Variants in GRIN2A observed in about 807,000 individuals in gnomAD.
GRIN2A encodes glutamate receptor ionotropic, NMDA 2A.
GRIN2A carries 22 observed loss-of-function variants against 113.4 expected under a neutral mutation model. The ratio of observed to expected loss-of-function variants is 0.19; its 90% CI spans 0.14 to 0.28. The LOEUF is 0.28. Among genes scored for constraint, GRIN2A ranks in the 10% least tolerant of loss-of-function variants. The pLI, the probability that GRIN2A is intolerant of heterozygous loss-of-function variation, is 1.00. For synonymous variants in GRIN2A, 827 were observed against 738.4 expected (o/e 1.12, Z -1.94); for missense variants, 1,502 against 1,887.0 (o/e 0.80, Z 3.78).
In GRIN2A at chr16:9,834,213, C is replaced by G; in HGVS notation, c.1669G>C (p.Val557Leu). Residue 557 changes from valine to leucine, a missense_variant, in exon 8 of 13, where the codon GTC becomes CTC. This residue lies in a region of GRIN2A where 82 missense variants were observed against 222.7 expected (regional missense o/e 0.37). Coordinates refer to ENST00000330684, the MANE Select transcript of GRIN2A (RefSeq NM_001134407.3). ...AGCATCACAAACATCATCACCCAGA[C>G]AGAGGCGCTGAATGGTTCTGCAAAT... ...SAFLEPFSAS[V>L]WVMMFVMLLI... is the part of the protein sequence containing the mutation. The G allele has an allele frequency of 6.2e-7, 1 of 1,613,964 alleles. No individual in the cohort carries two copies. Among genetic ancestry groups the G allele is most frequent in the Non-Finnish European group, 8.5e-7 (1 of 1,179,878 alleles).
At position 10,104,674 on chromosome 16, in the gene GRIN2A, T is replaced by C. The variant is rs77434926; in HGVS notation, c.414+75324A>G. On this transcript the variant is annotated intron_variant, in intron 2 of 12. Coordinates refer to ENST00000330684, the MANE Select transcript of GRIN2A (RefSeq NM_001134407.3). The stretch of plus-strand genomic sequence containing the variant: ...CGCACATGACAGAGACAAGTTTCTG[T>C]ACTGAGTCCTGATTCCCTAGGCAAA... 5.4e-3 allele frequency among the ~76,000 whole-genome samples: 821 copies of C among 152,270 alleles called. 5 individuals are homozygous for C. The highest frequency in any genetic ancestry group is 6.0e-3 in the Non-Finnish European group (409 of 68,018).
At position 9,764,078 on chromosome 16, in the gene GRIN2A, C is replaced by T. The variant is rs1555482417; in HGVS notation, c.3466G>A (p.Glu1156Lys). 6.2e-7 allele frequency: 1 copy of T among 1,613,548 alleles called. No homozygotes were observed. The highest frequency in any genetic ancestry group is 8.5e-7 in the Non-Finnish European group (1 of 1,179,554). The change falls in exon 13 of 13, where the codon GAA (glutamate) becomes AAA (lysine). Residue 1156 changes from glutamate (E) to lysine (K), a missense_variant. This residue lies in a region of GRIN2A where 832 missense variants were observed against 789.7 expected (regional missense o/e 1.05). Transcript: ENST00000330684. ...DFPDPYQDPS[E>K]NFRKGDSTLP... ...GTGGAGTCCCCCTTGCGGAAGTTTT[C>T]ACTGGGATCCTGGTAGGGGTCCGGG...
chr16:10,143,899 G>C (rs977514363), intron 2 of GRIN2A, among the ~76,000 whole-genome samples: 4 of 152,080 alleles, frequency 2.6e-5, no homozygotes, highest in Non-Finnish European at 4.4e-5. Context: ...TCAGGAGATG[G>C]AGGTTACAGT....
rs1245008494 is a variant in GRIN2A at position 9,839,779 on chromosome 16, T to C, written c.1651+868A>G. ...TCAAGACCAGTATCTGAATATGTGATCATATTTTTTTCAGCAGCTTTTTCC... is the reference window on the plus strand; with the variant it reads ...TCAAGACCAGTATCTGAATATGTGACCATATTTTTTTCAGCAGCTTTTTCC... On this transcript the variant is annotated intron_variant, in intron 7 of 12. Transcript: ENST00000330684. Among the ~76,000 whole-genome samples the C allele has an allele frequency of 2.6e-5, 4 of 152,308 alleles. 1 individual carries two copies. In the East Asian group the frequency reaches 7.7e-4, roughly 29 times the overall value.
chr16:10,150,419 T>C (rs2049543919), intron 2 of GRIN2A, among the ~76,000 whole-genome samples: 1 of 152,198 alleles, frequency 6.6e-6, no homozygotes, highest in Non-Finnish European at 1.5e-5. Flanking sequence ...CTTCTTGACC[T>C]GGTATCTCCT....
At chr16:9,789,494 G>A (rs1192828340) in intron 11 of GRIN2A, among the ~76,000 whole-genome samples, 10 of 151,974 alleles carry the variant, frequency 6.6e-5, no homozygotes, top group Non-Finnish European at 1.5e-5. Flanking sequence ...CTGAATTCCT[G>A]TCTGAGTTTA....
chr16:9,987,111 T>G (rs2045992186), intron 2 of GRIN2A, among the ~76,000 whole-genome samples: 1 of 152,168 alleles, frequency 6.6e-6, no homozygotes. Flanking sequence ...CACTTTTCAC[T>G]GAGCACATAA....
At chr16:9,864,612 C>T (rs1010921024) in intron 4 of GRIN2A, among the ~76,000 whole-genome samples, 15 of 152,118 alleles carry the variant, frequency 9.9e-5, no homozygotes, top group Admixed American at 8.5e-4. Flanking sequence ...CCTCACTCAG[C>T]ATTATGTAAA....
intron 10 of GRIN2A, among the ~76,000 whole-genome samples, chr16:9,818,230 G>C (rs2042220480): frequency 6.6e-6 from 1 of 151,992 alleles, no homozygotes; most frequent in African/African-American, 2.4e-5. Context: ...TCAACACAAA[G>C]TTGATCGGAT....
intron 10 of GRIN2A, among the ~76,000 whole-genome samples, chr16:9,802,176 T>A (rs558981271): frequency 6.6e-6 from 1 of 152,314 alleles, no homozygotes; most frequent in East Asian, 1.9e-4. Context: ...CTCAAAGACC[T>A]ATACTGGGTA....
At chr16:9,779,493 A>G (rs1417094765) in intron 11 of GRIN2A, among the ~76,000 whole-genome samples, 1 of 152,176 alleles carries the variant, frequency 6.6e-6, no homozygotes. Flanking sequence ...TAGTTGTGGA[A>G]TGAAGAGAGA....
chr16:10,091,610 G>C (rs1013436301), intron 2 of GRIN2A, among the ~76,000 whole-genome samples: 34 of 152,024 alleles, frequency 2.2e-4, no homozygotes, highest in African/African-American at 8.0e-4. Context: ...CCACAGCCTG[G>C]GGAATAGGCC....
chr16:9,918,842 TAAAC>T (rs2044304152), intron 3 of GRIN2A, among the ~76,000 whole-genome samples: 2 of 151,302 alleles, frequency 1.3e-5, no homozygotes, highest in Non-Finnish European at 1.5e-5. Flanking sequence ...AAAACTAACT[TAAAC>T]AAAATTAAAC....
chr16:10,055,069 AAAAAAAAAAAAAAAAAGAAAAAAG>A (rs1463559332), intron 2 of GRIN2A, among the ~76,000 whole-genome samples: 961 of 78,116 alleles, frequency 0.012, 131 homozygotes, highest in African/African-American at 0.054. Flanking sequence ...AAAAAAAAAA[AAAAAAAAAAAAAAAAAGAAAAAAG>A]AAAGAAAGAA....
chr16:9,820,847 A>G (rs377396177), intron 10 of GRIN2A, among the ~76,000 whole-genome samples: 1 of 152,200 alleles, frequency 6.6e-6, no homozygotes, highest in African/African-American at 2.4e-5. Flanking sequence ...CATTTTTGTT[A>G]TACTTCAAAA....
At chr16:10,098,860 G>A (rs373270424) in intron 2 of GRIN2A, among the ~76,000 whole-genome samples, 33 of 152,052 alleles carry the variant, frequency 2.2e-4, no homozygotes, top group Middle Eastern at 3.4e-3. Flanking sequence ...TATACTGCTC[G>A]GGTGATGGGT....
At chr16:10,107,959 G>T (rs1215822143) in intron 2 of GRIN2A, among the ~76,000 whole-genome samples, 1 of 152,204 alleles carries the variant, frequency 6.6e-6, no homozygotes, top group Non-Finnish European at 1.5e-5. Context: ...GGAAAGTACA[G>T]TTTGAGGGAA....
chr16:10,163,836 C>A (rs2049854389), intron 2 of GRIN2A, among the ~76,000 whole-genome samples: 1 of 152,236 alleles, frequency 6.6e-6, no homozygotes, highest in African/African-American at 2.4e-5. Context: ...TGCCCCCTGC[C>A]ACCTGGGCAA....
intron 7 of GRIN2A, among the ~76,000 whole-genome samples, chr16:9,839,845 G>A (rs2042642699): frequency 6.6e-6 from 1 of 152,072 alleles, no homozygotes; most frequent in South Asian, 2.1e-4. Context: ...GGGATGGAGG[G>A]GAGTGAATTA....
Sources: gnomAD v4.1 joint callset for allele counts (sites outside exome capture counted in the v4.1 genomes callset) on GRCh38, gnomAD v4.1.1 for gene constraint, gnomAD v4.1.1 regional missense constraint, MANE v1.5 for transcripts, NCBI Gene and HGNC (gene_info 2026-07-23, HGNC 2026-07-21) for gene names.